The following ZNF385B variants were observed in gnomAD, a reference collection of about 807,000 sequenced individuals.
ZNF385B encodes the protein zinc finger protein 533.
A neutral mutation model predicts 39.2 loss-of-function variants in ZNF385B; 23 were observed. The observed-to-expected ratio is 0.59, with a 90% CI of 0.42 to 0.83. The LOEUF is 0.83. ZNF385B is among the 40% of genes least tolerant of loss of function. The pLI is 0.00. For missense variants in ZNF385B, 552 were observed against 598.9 expected, an observed-to-expected ratio of 0.92 and a Z score of 0.82; for synonymous variants, 205 against 222.6, an observed-to-expected ratio of 0.92 and a Z score of 0.70.
chr2:179,824,061 C>T (rs1198848541), intron 1 of ZNF385B, among the ~76,000 whole-genome samples: 3 of 152,046 alleles, frequency 2.0e-5, no homozygotes, highest in African/African-American at 7.2e-5. Context: ...CTGTATTCAC[C>T]TAAGGCTTTT....
intron 1 of ZNF385B, among the ~76,000 whole-genome samples, chr2:179,815,036 GTC>G (rs1429812165): frequency 2.6e-5 from 4 of 152,298 alleles, no homozygotes; most frequent in Non-Finnish European, 4.4e-5. Context: ...TTCACAGTAT[GTC>G]TCTATCGTTT....
chr2:179,535,558 CAT>C (rs2059509482), intron 4 of ZNF385B, among the ~76,000 whole-genome samples: 1 of 152,154 alleles, frequency 6.6e-6, no homozygotes, highest in African/African-American at 2.4e-5. Flanking sequence ...AACAATGACA[CAT>C]GTAATCTATT....
chr2:179,669,188 C>G (rs1695579908), intron 3 of ZNF385B, among the ~76,000 whole-genome samples: 1 of 152,276 alleles, frequency 6.6e-6, no homozygotes, highest in African/African-American at 2.4e-5. Context: ...AGCCCAGAGA[C>G]TCTAGGTAAC....
At chr2:179,497,158 A>G (rs544892312) in intron 5 of ZNF385B, among the ~76,000 whole-genome samples, 28 of 152,208 alleles carry the variant, frequency 1.8e-4, no homozygotes, top group Non-Finnish European at 3.5e-4. Context: ...TGCTAAAGAG[A>G]GTATGTCAGA....
intron 3 of ZNF385B, among the ~76,000 whole-genome samples, chr2:179,729,137 AAAAAAAAAAAC>A (rs1275293727): frequency 2.0e-5 from 3 of 147,852 alleles, no homozygotes; most frequent in East Asian, 5.0e-4. Flanking sequence ...TCAAAAAAAA[AAAAAAAAAAAC>A]CAAGGAAATT....
At chr2:179,656,494 A>G (rs1263346447) in intron 3 of ZNF385B, among the ~76,000 whole-genome samples, 1 of 152,212 alleles carries the variant, frequency 6.6e-6, no homozygotes, top group African/African-American at 2.4e-5. Flanking sequence ...ATGGCACAGC[A>G]GCTAATCATA....
intron 3 of ZNF385B, among the ~76,000 whole-genome samples, chr2:179,588,289 C>T (rs966387139): frequency 8.6e-5 from 13 of 152,040 alleles, no homozygotes; most frequent in African/African-American, 1.7e-4. Flanking sequence ...GGCGTTTCAC[C>T]GTGTTAGCGA....
At chr2:179,745,592 T>A in intron 3 of ZNF385B, 1 of 819,390 alleles carries the variant, frequency 1.2e-6, no homozygotes, top group African/African-American at 1.8e-5. Flanking sequence ...CTCCTTCAGA[T>A]GTGTCAGCAC....
At chr2:179,761,756 C>CTTTTTTTTTTTTT (rs1420842226) in intron 3 of ZNF385B, among the ~76,000 whole-genome samples, 3 of 109,582 alleles carry the variant, frequency 2.7e-5, no homozygotes, top group Non-Finnish European at 5.6e-5. Flanking sequence ...CATTTTTTTT[C>CTTTTTTTTTTTTT]TTTTCTTTTT....
intron 3 of ZNF385B, among the ~76,000 whole-genome samples, chr2:179,665,443 C>T (rs912661976): frequency 1.3e-5 from 2 of 152,080 alleles, no homozygotes; most frequent in Non-Finnish European, 2.9e-5. Flanking sequence ...TTCACCACTA[C>T]GGTGACAATG....
At chr2:179,589,921 A>T (rs1480645769) in intron 3 of ZNF385B, among the ~76,000 whole-genome samples, 1 of 152,256 alleles carries the variant, frequency 6.6e-6, no homozygotes, top group Non-Finnish European at 1.5e-5. Context: ...AGATCTAATT[A>T]TAGTCAGATA....
Position 179,630,622 on chromosome 2 carries a change from G to A in ZNF385B, c.299-85653C>T, listed in dbSNP as rs186405569. Among the ~76,000 whole-genome samples the A allele has an allele frequency of 3.3e-3, 496 of 152,334 alleles. 4 individuals carry two copies. Among genetic ancestry groups the A allele is most frequent in the African/African-American group, 0.011 (471 of 41,578 alleles). ...ATCAGAGTGCCTCTTATCCTCCAAAGGATCGCAGCTCCTCGCCAGCAATGG... is the reference window on the plus strand; with the variant it reads ...ATCAGAGTGCCTCTTATCCTCCAAAAGATCGCAGCTCCTCGCCAGCAATGG... On this transcript the variant is annotated intron_variant, in intron 3 of 9. Coordinates refer to ENST00000410066, the MANE Select transcript of ZNF385B (RefSeq NM_152520.6).
At chr2:179,605,791 G>A (rs574013056) in intron 3 of ZNF385B, among the ~76,000 whole-genome samples, 1 of 152,216 alleles carries the variant, frequency 6.6e-6, no homozygotes, top group East Asian at 1.9e-4. Flanking sequence ...GAATTAACCA[G>A]CTTTCACTAT....
At chr2:179,841,826 C>G (rs1317602758) in intron 1 of ZNF385B, among the ~76,000 whole-genome samples, 1 of 152,202 alleles carries the variant, frequency 6.6e-6, no homozygotes, top group Non-Finnish European at 1.5e-5. Context: ...GGGCAACATA[C>G]TTGGATGATG....
chr2:179,516,111 TTTTAC>T (rs151215289), intron 5 of ZNF385B, among the ~76,000 whole-genome samples: 123,342 of 151,624 alleles, frequency 0.81, 50,526 homozygotes, highest in East Asian at 0.92. Flanking sequence ...TTCTTTTTAC[TTTTAC>T]TTTATTTCTA....
At chr2:179,819,301 C>A (rs1235847514) in intron 1 of ZNF385B, among the ~76,000 whole-genome samples, 2 of 152,098 alleles carry the variant, frequency 1.3e-5, no homozygotes, top group African/African-American at 4.8e-5. Context: ...ACCCCAAGGA[C>A]AGGTGGGTGG....
At chr2:179,801,604 G>C (rs951357374) in intron 1 of ZNF385B, among the ~76,000 whole-genome samples, 1 of 152,112 alleles carries the variant, frequency 6.6e-6, no homozygotes, top group Non-Finnish European at 1.5e-5. Context: ...CAATGGTAGA[G>C]AAATTATGCC....
chr2:179,590,962 C>G (rs570721827), intron 3 of ZNF385B, among the ~76,000 whole-genome samples: 1 of 152,212 alleles, frequency 6.6e-6, no homozygotes, highest in South Asian at 2.1e-4. Context: ...AACTAATACA[C>G]TGACCTACAT....
chr2:179,838,928 A>AAGG, intron 1 of ZNF385B, among the ~76,000 whole-genome samples: 1 of 131,068 alleles, frequency 7.6e-6, no homozygotes. Context: ...CCAAAAAAAA[A>AAGG]GGGGGGGGGG....
Sources: gnomAD v4.1 joint callset for allele counts (sites outside exome capture counted in the v4.1 genomes callset) on GRCh38, gnomAD v4.1.1 for gene constraint, MANE v1.5 for transcripts, NCBI Gene and HGNC (gene_info 2026-07-23, HGNC 2026-07-21) for gene names.